Variants in MTHFD2L observed in about 807,000 individuals in gnomAD.
MTHFD2L encodes the protein bifunctional methylenetetrahydrofolate dehydrogenase/cyclohydrolase 2, mitochondrial.
A neutral mutation model predicts 34.9 loss-of-function variants in MTHFD2L; 29 were observed. That is an observed-to-expected ratio of 0.83 (90% CI 0.62 to 1.13). The LOEUF is 1.13. Ranked by LOEUF, MTHFD2L falls within the 50% of genes most tolerant of loss-of-function variation. MTHFD2L has a pLI of 0.00. For synonymous variants in MTHFD2L, 167 were observed against 155.7 expected, an observed-to-expected ratio of 1.07 and a Z score of -0.54; for missense variants, 481 against 446.5, an observed-to-expected ratio of 1.08 and a Z score of -0.70.
chr4:74,155,211 G>A (rs771285707), upstream of MTHFD2L, among the ~76,000 whole-genome samples: 6 of 152,170 alleles, frequency 3.9e-5, no homozygotes, highest in East Asian at 3.9e-4. Context: ...AGTCTTTCCC[G>A]TGAGATTGTT....
At chr4:74,166,533 T>C (rs1383490876) in intron 1 of MTHFD2L, among the ~76,000 whole-genome samples, 1 of 152,254 alleles carries the variant, frequency 6.6e-6, no homozygotes, top group Non-Finnish European at 1.5e-5. Flanking sequence ...TACAATTCAC[T>C]AAAAACTTTA....
At chr4:74,245,599 G>T (rs1742319739) in intron 6 of MTHFD2L, among the ~76,000 whole-genome samples, 1 of 151,958 alleles carries the variant, frequency 6.6e-6, no homozygotes, top group South Asian at 2.1e-4. Flanking sequence ...TTAGCATTAG[G>T]TATATCTCCT....
chr4:74,256,144 C>T (rs1005339001), intron 6 of MTHFD2L, among the ~76,000 whole-genome samples: 5 of 152,112 alleles, frequency 3.3e-5, no homozygotes, highest in Non-Finnish European at 5.9e-5. Context: ...TCTTTTTTCC[C>T]CCAGCCTCAC....
intron 1 of MTHFD2L, chr4:74,161,592 A>C (rs565242624): frequency 6.6e-6 from 1 of 152,362 alleles, no homozygotes; most frequent in African/African-American, 2.4e-5. Context: ...CTGTTCAGAG[A>C]TAGTGTGTTC....
upstream of MTHFD2L, chr4:74,157,793 A>G (rs1379971359): frequency 2.0e-6 from 1 of 501,150 alleles, no homozygotes; most frequent in Non-Finnish European, 3.9e-6. Context: ...CGTGCTGCCT[A>G]AAGTGATAGT....
intron 3 of MTHFD2L, chr4:74,180,547 C>G (rs1325431017): frequency 5.8e-6 from 1 of 171,798 alleles, no homozygotes; most frequent in African/African-American, 2.4e-5. Context: ...TGTTTGAAGA[C>G]AGGTTTGCAT....
intron 3 of MTHFD2L, among the ~76,000 whole-genome samples, chr4:74,185,501 A>G (rs1169127380): frequency 6.6e-6 from 1 of 152,170 alleles, no homozygotes; most frequent in East Asian, 1.9e-4. Flanking sequence ...AATGAAATGT[A>G]AAATAGAAAA....
intron 6 of MTHFD2L, among the ~76,000 whole-genome samples, chr4:74,233,332 G>A (rs1460332769): frequency 6.6e-6 from 1 of 152,052 alleles, no homozygotes; most frequent in East Asian, 1.9e-4. Context: ...AAGAAACGTG[G>A]TCTTTAAAGT....
At position 74,249,444 on chromosome 4, in the gene MTHFD2L, G is replaced by A. The variant is rs550986929; in HGVS notation, c.805+24050G>A. Reference sequence around the variant, plus strand: ...TCTTGACTCTTTATCCAATTTGCCAGTCTGTGTCTTTTAGTTGGAGCATTT... The same window carrying A: ...TCTTGACTCTTTATCCAATTTGCCAATCTGTGTCTTTTAGTTGGAGCATTT... On this transcript the variant is annotated intron_variant, in intron 6 of 7. Coordinates refer to ENST00000325278, the MANE Select transcript of MTHFD2L (RefSeq NM_001144978.3). Among the ~76,000 whole-genome samples, 6 of 152,256 alleles carry A rather than the reference G, an allele frequency of 3.9e-5. No individual in the cohort carries two copies. The South Asian group carries it at 1.2e-3, about 32-fold the overall frequency.
At chr4:74,230,591 G>A (rs200200581) in intron 6 of MTHFD2L, among the ~76,000 whole-genome samples, 27 of 128,914 alleles carry the variant, frequency 2.1e-4, no homozygotes, top group African/African-American at 3.5e-4. Flanking sequence ...CTCTGTCTCA[G>A]AAAAAAAAAA....
intron 6 of MTHFD2L, among the ~76,000 whole-genome samples, chr4:74,269,394 A>T (rs1745685542): frequency 6.6e-6 from 1 of 152,028 alleles, no homozygotes; most frequent in Non-Finnish European, 1.5e-5. Flanking sequence ...CTACTGAATG[A>T]CTCAGAATTT....
At chr4:74,296,949 A>T (rs1031667585) in intron 7 of MTHFD2L, among the ~76,000 whole-genome samples, 5 of 152,186 alleles carry the variant, frequency 3.3e-5, no homozygotes, top group African/African-American at 9.6e-5. Context: ...TGGAGAAGTG[A>T]GAGAAGGGCA....
intron 1 of MTHFD2L, among the ~76,000 whole-genome samples, chr4:74,137,276 T>C (rs1341074224): frequency 6.6e-6 from 1 of 152,014 alleles, no homozygotes; most frequent in East Asian, 1.9e-4. Context: ...AGGAAAAAAA[T>C]GTAAACCTTA....
chr4:74,270,469 C>T (rs1291886943), intron 6 of MTHFD2L, among the ~76,000 whole-genome samples: 1 of 152,092 alleles, frequency 6.6e-6, no homozygotes, highest in Non-Finnish European at 1.5e-5. Context: ...TGGTTTCCAG[C>T]TTCATCCATG....
chr4:74,288,077 T>C (rs1748422708), intron 7 of MTHFD2L, among the ~76,000 whole-genome samples: 1 of 152,198 alleles, frequency 6.6e-6, no homozygotes, highest in Admixed American at 6.5e-5. Context: ...TTTCCTCTTC[T>C]TAGAAGGTTG....
chr4:74,205,326 G>A (rs556591095), intron 5 of MTHFD2L, among the ~76,000 whole-genome samples: 6 of 152,294 alleles, frequency 3.9e-5, no homozygotes, highest in African/African-American at 1.4e-4. Context: ...AGATAATGAA[G>A]GAGGACTAAC....
chr4:74,155,925 C>A (rs1049258573), upstream of MTHFD2L, among the ~76,000 whole-genome samples: 5 of 134,954 alleles, frequency 3.7e-5, no homozygotes, highest in African/African-American at 1.1e-4. Context: ...AAAAAAAAAA[C>A]ACTTTTACAC....
chr4:74,286,101 G>A (rs1020214266), intron 7 of MTHFD2L, among the ~76,000 whole-genome samples: 1 of 152,052 alleles, frequency 6.6e-6, no homozygotes, highest in East Asian at 1.9e-4. Flanking sequence ...ATTTTGTTTT[G>A]TATTGATTTC....
intron 3 of MTHFD2L, among the ~76,000 whole-genome samples, chr4:74,193,786 A>G (rs1307209174): frequency 6.6e-6 from 1 of 152,116 alleles, no homozygotes; most frequent in Admixed American, 6.5e-5. Flanking sequence ...TGCTTAATTC[A>G]CTTTATTAGT....
Sources: allele counts gnomAD v4.1 joint callset (sites outside exome capture counted in the v4.1 genomes callset), GRCh38; gene constraint gnomAD v4.1.1; transcripts MANE v1.5; gene names NCBI Gene and HGNC (gene_info 2026-07-23, HGNC 2026-07-21).